CHD3: variants seen among roughly 807,000 people sequenced by gnomAD.
The protein encoded by CHD3 is ATP-dependent chromatin remodeler CHD3.
Under a neutral mutation model 248.9 loss-of-function variants are expected in CHD3, and 52 were observed. The ratio of observed to expected loss-of-function variants is 0.21; its 90% CI spans 0.17 to 0.26. The LOEUF is 0.26. Among genes scored for constraint, CHD3 ranks in the 10% least tolerant of loss-of-function variants. The probability of loss-of-function intolerance (pLI) is 1.00; values close to 1 mark genes in which losing one functional copy is unlikely to be tolerated. For synonymous variants in CHD3, 985 were observed against 985.2 expected, an observed-to-expected ratio of 1.00 and a Z score of 0.00; for missense variants, 1,482 against 2,605.8, an observed-to-expected ratio of 0.57 and a Z score of 9.39.
Position 7,890,682 on chromosome 17 carries a change from GA to G in CHD3, c.332del (p.Lys111ArgfsTer30), listed in dbSNP as rs1382061552. ...PGRKRRRKHR[E>X]KKEKKTKRRK... The stretch of plus-strand genomic sequence containing the variant: ...TCGGAAACGAAGAAGGAAGCACCGA[GA>G]AAAAAAGGAGAAGAAGACAAAGCGG... On this transcript the variant is annotated frameshift_variant, in exon 3 of 40. Coordinates refer to ENST00000330494, the MANE Select transcript of CHD3 (RefSeq NM_001005273.3). LOFTEE classifies it high-confidence loss of function. The G allele has an allele frequency of 3.1e-6, 5 of 1,599,636 alleles. No individual in the cohort carries two copies. The highest frequency in any genetic ancestry group is 1.7e-4 in the Middle Eastern group (1 of 6,006).
chr17:7,899,675 T>A lies in CHD3; in HGVS notation c.2544+132T>A. ...TCCACCTGTCCTCCTGTCTCTGCAC[T>A]ACCATCCTAGAGATATGGCAGGTAC... On this transcript the variant is annotated intron_variant, in intron 15 of 39. Coordinates refer to ENST00000330494, the MANE Select transcript of CHD3 (RefSeq NM_001005273.3). This position sits in a 1 kb window ranked among gnomAD's most constrained non-coding sequence, Gnocchi z 6.8. 7 of 1,053,116 alleles carry A rather than the reference T, an allele frequency of 6.6e-6. No individual in the cohort carries two copies. In the Admixed American group the frequency reaches 1.3e-4, roughly 20 times the overall value. The allele number at this position is 1,053,116 out of a possible 1,614,324, so 65.2% of individuals were successfully genotyped here.
intron 4 of CHD3, among the ~76,000 whole-genome samples, chr17:7,891,317 T>C (rs1449183684): frequency 6.6e-6 from 1 of 152,128 alleles, no homozygotes; most frequent in Non-Finnish European, 1.5e-5. Flanking sequence ...GAGAACTCTT[T>C]AGCAACAGAA....
rs1472788554 is a variant in CHD3, at chr17:7,903,260, T to C, written c.3496-12T>C. The C allele has an allele frequency of 1.2e-6, 2 of 1,612,746 alleles. No individual in the cohort carries two copies. Among genetic ancestry groups the C allele is most frequent in the South Asian group, 1.1e-5 (1 of 91,060 alleles). ...CCCCTGACCCACCCGCCACTTTCTCTTGCCCCTGCAGGCCTTTAGCCGGGC... is the reference window on the plus strand; with the variant it reads ...CCCCTGACCCACCCGCCACTTTCTCCTGCCCCTGCAGGCCTTTAGCCGGGC... On this transcript the variant is annotated splice_polypyrimidine_tract_variant and intron_variant, in intron 22 of 39. Transcript: ENST00000330494. The surrounding 1 kb of genome is among the most constrained non-coding windows in gnomAD (Gnocchi z 6.8).
At chr17:7,898,885 T>C (rs1447304196) in intron 13 of CHD3, 126 bp from the exon 14 acceptor site, 1 of 881,110 alleles carries the variant, frequency 1.1e-6, no homozygotes, top group South Asian at 1.4e-5. Flanking sequence ...GTGAGAACTT[T>C]TGTAAACTCA....
In CHD3 at chr17:7,897,688, C is replaced by T. The variant is rs1969854402; in HGVS notation, c.1920-283C>T. ...AGTTATTTCAATGCTGCCTTCCCCA[C>T]GAGACTCTGAGTTCCATGAGGAAAA... On this transcript the variant is annotated intron_variant, in intron 11 of 39. Transcript: ENST00000330494. This position sits in a 1 kb window ranked among gnomAD's most constrained non-coding sequence, Gnocchi z 4.8. Among the ~76,000 whole-genome samples, 1 of 152,164 alleles carries T rather than the reference C, an allele frequency of 6.6e-6. No individual in the cohort carries two copies. Among genetic ancestry groups the T allele is most frequent in the South Asian group, 2.1e-4 (1 of 4,828 alleles).
rs543270825 is a variant in CHD3, at chr17:7,910,360, T to C, written c.5591-68T>C. The C allele has an allele frequency of 3.6e-5, 57 of 1,602,676 alleles. No homozygotes were observed. Among genetic ancestry groups the C allele is most frequent in the Admixed American group, 2.2e-4 (13 of 60,012 alleles). ...TATCTGTCCATCTGATGCCTCTCTT[T>C]TCCTGGCTCCATCTCTGTATTTCCC... On this transcript the variant is annotated intron_variant, in intron 37 of 39. Coordinates refer to ENST00000330494, the MANE Select transcript of CHD3 (RefSeq NM_001005273.3). The surrounding 1 kb of genome is among the most constrained non-coding windows in gnomAD (Gnocchi z 4.7).
At position 7,902,643 on chromosome 17, in the gene CHD3, T is replaced by C; in HGVS notation, c.3286T>C (p.Leu1096=). The part of the protein sequence containing the change: ...TKMLDLLEDF[L]DYEGYKYERI... The stretch of plus-strand genomic sequence containing the variant: ...AATGTTAGACTTGCTTGAGGACTTC[T>C]TAGACTATGAAGGCTACAAGTATGA... Residue 1096 remains leucine, a synonymous_variant, in exon 21 of 40, where the codon TTA becomes CTA. Transcript: ENST00000330494. The C allele has an allele frequency of 6.2e-7, 1 of 1,613,954 alleles. No homozygotes were observed. The highest frequency in any genetic ancestry group is 8.5e-7 in the Non-Finnish European group (1 of 1,179,896).
rs1180733539 is a variant in CHD3, at chr17:7,902,831, A to G, written c.3370+104A>G. Reference sequence around the variant, plus strand: ...CTGGCTTGGGGGACATTGGAAACTTAGGCTTTGAGTTGGGGGCATGGTTGT... The same window carrying G: ...CTGGCTTGGGGGACATTGGAAACTTGGGCTTTGAGTTGGGGGCATGGTTGT... On this transcript the variant is annotated intron_variant, in intron 21 of 39. Transcript: ENST00000330494. 4 of 1,579,716 alleles carry G rather than the reference A, an allele frequency of 2.5e-6. No homozygotes were observed. The Admixed American group carries it at 7.0e-5, about 28-fold the overall frequency.
rs1420928335 is a variant in CHD3 at position 7,903,090 on chromosome 17, AC to A, written c.3495+31del. The A allele has an allele frequency of 6.2e-7, 1 of 1,604,750 alleles. No individual in the cohort carries two copies. Among genetic ancestry groups the A allele is most frequent in the South Asian group, 1.1e-5 (1 of 90,674 alleles). The stretch of plus-strand genomic sequence containing the variant: ...GGAACTCGCATCCTAGAACCCCTGC[AC>A]CATTTAGCAAGGAGATGTGGGTTCA... On this transcript the variant is annotated intron_variant, in intron 22 of 39. Coordinates refer to ENST00000330494, the MANE Select transcript of CHD3 (RefSeq NM_001005273.3). The surrounding 1 kb of genome is among the most constrained non-coding windows in gnomAD (Gnocchi z 6.8).
At chr17:7,891,096 G>C in intron 4 of CHD3, 32 bp downstream of exon 4, 1 of 1,609,870 alleles carries the variant, frequency 6.2e-7, no homozygotes, top group South Asian at 1.1e-5. Context: ...CTCGCTAATT[G>C]ACACTTTTAA....
chr17:7,893,601 C>T, intron 5 of CHD3, 32 bp downstream of exon 5: 3 of 1,541,936 alleles, frequency 1.9e-6, no homozygotes, highest in Non-Finnish European at 2.6e-6. Context: ...ACTGTCATCT[C>T]ACCTTCCAAA....
Position 7,888,799 on chromosome 17 carries a change from T to C in CHD3, c.-202T>C. 7.0e-7 allele frequency: 1 copy of C among 1,419,872 alleles called. No homozygotes were observed. The allele number at this position is 1,419,872 out of a possible 1,614,324, so 88.0% of individuals were successfully genotyped here. The stretch of plus-strand genomic sequence containing the variant: ...TGTCTGTCTGTGCCTATATCTTTGT[T>C]TGGGTCTCCCATACTGCGTATAGAT... On this transcript the variant is annotated 5_prime_UTR_variant, in exon 1 of 40. Coordinates refer to ENST00000330494, the MANE Select transcript of CHD3 (RefSeq NM_001005273.3).
At chr17:7,888,711 AGT>A (rs1216914245), upstream of CHD3, 67 of 715,518 alleles carry the variant, frequency 9.4e-5, no homozygotes, top group East Asian at 3.2e-3. Context: ...TGGGCCTGAG[AGT>A]GTGTGTGGGT....
Position 7,906,270 on chromosome 17 carries a change from C to A in CHD3, c.4358+281C>A. Reference sequence around the variant, plus strand: ...TCCTAGCCTCACATTTACTTGACCACAATAACCTGGCAGGAGGAGCTGGTG... The same window carrying A: ...TCCTAGCCTCACATTTACTTGACCAAAATAACCTGGCAGGAGGAGCTGGTG... On this transcript the variant is annotated intron_variant, in intron 28 of 39. Transcript: ENST00000330494. The surrounding 1 kb of genome is among the most constrained non-coding windows in gnomAD (Gnocchi z 5.0). The A allele has an allele frequency of 1.4e-6, 1 of 697,148 alleles. No homozygotes were observed. The highest frequency in any genetic ancestry group is 2.6e-6 in the Non-Finnish European group (1 of 386,126). The allele number at this position is 697,148 out of a possible 1,614,324, so 43.2% of individuals were successfully genotyped here.
chr17:7,907,865 T>C lies in CHD3; in HGVS notation c.5027-29T>C, dbSNP rs1971187902. ...GACCTGGGAGGAGGGTGTCCTGAGG[T>C]GTGAGCTTTGACCTGTCTGTCCTAG... On this transcript the variant is annotated intron_variant, in intron 33 of 39. Transcript: ENST00000330494. This position sits in a 1 kb window ranked among gnomAD's most constrained non-coding sequence, Gnocchi z 4.3. 6.3e-7 allele frequency: 1 copy of C among 1,599,992 alleles called. No individual in the cohort carries two copies. Among genetic ancestry groups the C allele is most frequent in the East Asian group, 2.2e-5 (1 of 44,572 alleles).
chr17:7,896,775 C>T (rs1034684984), intron 10 of CHD3, among the ~76,000 whole-genome samples: 8 of 152,152 alleles, frequency 5.3e-5, no homozygotes, highest in Admixed American at 6.5e-5. Context: ...TCTCCTGCCT[C>T]AGCCTCCTGA....
In CHD3 at chr17:7,901,296, C is replaced by T. The variant is rs867026872; in HGVS notation, c.3173C>T (p.Ser1058Leu). 7 of 1,613,826 alleles carry T rather than the reference C, an allele frequency of 4.3e-6. No homozygotes were observed. Among genetic ancestry groups the T allele is most frequent in the African/African-American group, 1.3e-5 (1 of 75,040 alleles). ...GAYEGGALIK[S>L]SGKLMLLQKM... The stretch of plus-strand genomic sequence containing the variant: ...TATGAGGGTGGGGCACTTATTAAGT[C>T]GTCTGGGAAGCTCATGCTGCTCCAG... Residue 1058 changes from serine (S) to leucine (L), a missense_variant, in exon 20 of 40, where the codon TCG becomes TTG. By Grantham distance (145) the Ser-to-Leu change is moderately radical (BLOSUM62 -2). Coordinates refer to ENST00000330494, the MANE Select transcript of CHD3 (RefSeq NM_001005273.3).
intron 6 of CHD3, 31 bp from the exon 7 acceptor site, chr17:7,894,084 G>A (rs1350978635): frequency 1.9e-6 from 3 of 1,564,762 alleles, no homozygotes; most frequent in Admixed American, 1.8e-5. Flanking sequence ...AATGAAGTCT[G>A]CCTCACTGAC....
rs201436753 is a variant in CHD3 at position 7,910,882 on chromosome 17, G to C, written c.5790G>C (p.Gly1930=). 2 of 1,612,214 alleles carry C rather than the reference G, an allele frequency of 1.2e-6. No individual in the cohort carries two copies. Among genetic ancestry groups the C allele is most frequent in the Non-Finnish European group, 1.7e-6 (2 of 1,179,482 alleles). Residue 1930 remains glycine (G), a synonymous_variant, in exon 39 of 40, where the codon GGG becomes GGC. Transcript: ENST00000330494. This position sits in a 1 kb window ranked among gnomAD's most constrained non-coding sequence, Gnocchi z 4.7. ...CGGGTCCCTACGCTACACCTCCGGG[G>C]TACGGGGCGGCCTTCAGCGCCGCAC... is the stretch of plus-strand genomic sequence containing the variant. ...YPPGPYATPP[G]YGAAFSAAPV...
Sources: gnomAD v4.1 joint callset for allele counts (sites outside exome capture counted in the v4.1 genomes callset) on GRCh38, gnomAD v4.1.1 for gene constraint, Gnocchi (gnomAD v3.1) non-coding constraint, MANE v1.5 for transcripts, NCBI Gene and HGNC (gene_info 2026-07-23, HGNC 2026-07-21) for gene names.